Variants in TMTC2 observed in about 807,000 individuals in gnomAD.
TMTC2 encodes the protein transmembrane O-mannosyltransferase targeting cadherins 2.
A neutral mutation model predicts 82.4 loss-of-function variants in TMTC2; 43 were observed. The ratio of observed to expected loss-of-function variants is 0.52; its 90% CI spans 0.41 to 0.67. The LOEUF is 0.67. TMTC2 is among the 30% of genes least tolerant of loss of function. The probability of loss-of-function intolerance (pLI) is 0.00; values close to 1 mark genes in which losing one functional copy is unlikely to be tolerated. For missense variants in TMTC2, 919 were observed against 1,012.4 expected (o/e 0.91, Z 1.25); for synonymous variants, 408 against 381.9 (o/e 1.07, Z -0.80).
Position 83,056,898 on chromosome 12 carries a change from A to T in TMTC2, c.2268-4870A>T, listed in dbSNP as rs534122581. ...TAACATGCAAGTGAACACCTGGGGAATGTTGTTAAAATGCATGCTATGATT... is the reference window on the plus strand; with the variant it reads ...TAACATGCAAGTGAACACCTGGGGATTGTTGTTAAAATGCATGCTATGATT... On this transcript the variant is annotated intron_variant, in intron 10 of 11. Coordinates refer to ENST00000321196, the MANE Select transcript of TMTC2 (RefSeq NM_152588.3). Among the ~76,000 whole-genome samples the T allele has an allele frequency of 2.0e-5, 3 of 151,926 alleles. No homozygotes were observed. In the South Asian group the frequency reaches 6.2e-4, roughly 31 times the overall value.
chr12:82,884,980 AC>A (rs1873015964), intron 2 of TMTC2, among the ~76,000 whole-genome samples: 2 of 151,192 alleles, frequency 1.3e-5, no homozygotes, highest in African/African-American at 4.9e-5. Context: ...AGCAGCCTCA[AC>A]CTCCCAGACT....
Position 82,832,910 on chromosome 12 carries a change from C to A in TMTC2, c.84-24100C>A, listed in dbSNP as rs571294350. Among the ~76,000 whole-genome samples, 5 of 152,242 alleles carry A rather than the reference C, an allele frequency of 3.3e-5. No homozygotes were observed. In the South Asian group the frequency reaches 8.3e-4, roughly 25 times the overall value. On this transcript the variant is annotated intron_variant, in intron 1 of 11. Transcript: ENST00000321196. Reference sequence around the variant, plus strand: ...TTGCAGTCCCAGTTCCCTGTTGGTCCCACTTCCCGTGGAAATTTAATGTAA... The same window carrying A: ...TTGCAGTCCCAGTTCCCTGTTGGTCACACTTCCCGTGGAAATTTAATGTAA...
At chr12:82,924,576 C>T (rs1875589437) in intron 3 of TMTC2, among the ~76,000 whole-genome samples, 1 of 152,158 alleles carries the variant, frequency 6.6e-6, no homozygotes, top group African/African-American at 2.4e-5. Flanking sequence ...GAGAGATTTT[C>T]ATTTGGATAA....
chr12:82,729,531 G>A (rs147679222), intron 1 of TMTC2, among the ~76,000 whole-genome samples: 2 of 152,286 alleles, frequency 1.3e-5, no homozygotes, highest in African/African-American at 4.8e-5. Context: ...GAGAACTTTT[G>A]TGTGGACACT....
At chr12:82,795,816 T>TC (rs1386371942) in intron 1 of TMTC2, among the ~76,000 whole-genome samples, 2 of 152,128 alleles carry the variant, frequency 1.3e-5, no homozygotes, top group African/African-American at 4.8e-5. Context: ...ATCTTGGACT[T>TC]CCTAGCTTGC....
Position 83,092,670 on chromosome 12 carries a change from G to A in TMTC2, c.2331+30839G>A, listed in dbSNP as rs145604201. On this transcript the variant is annotated intron_variant, in intron 11 of 11. Transcript: ENST00000321196. ...TTCTGTGTATAATAGGTTGTTTTGC[G>A]TAGTTCAATCAAATAGAAATACCAT... is the stretch of plus-strand genomic sequence containing the variant. Among the ~76,000 whole-genome samples the A allele has an allele frequency of 4.7e-4, 72 of 152,214 alleles. 2 individuals are homozygous for A. The East Asian group carries it at 0.01, about 21-fold the overall frequency.
intron 1 of TMTC2, among the ~76,000 whole-genome samples, chr12:82,833,872 G>A (rs915613628): frequency 6.6e-5 from 10 of 152,044 alleles, no homozygotes; most frequent in Non-Finnish European, 1.5e-4. Flanking sequence ...AATAAACATA[G>A]CAATACAAGA....
intron 10 of TMTC2, among the ~76,000 whole-genome samples, chr12:83,053,364 C>T (rs906842048): frequency 1.3e-5 from 2 of 151,886 alleles, no homozygotes; most frequent in African/African-American, 4.8e-5. Flanking sequence ...TCACTTGGTT[C>T]GCTAGATAAG....
chr12:82,825,557 T>C (rs1869368477), intron 1 of TMTC2, among the ~76,000 whole-genome samples: 1 of 152,222 alleles, frequency 6.6e-6, no homozygotes, highest in Admixed American at 6.5e-5. Context: ...TGCTTCCTTT[T>C]CTAATCCCTT....
intron 4 of TMTC2, among the ~76,000 whole-genome samples, chr12:82,963,410 C>T (rs970815547): frequency 3.3e-5 from 5 of 151,722 alleles, no homozygotes; most frequent in Admixed American, 1.3e-4. Context: ...GATGGTATTT[C>T]TCCCCTGGTG....
chr12:83,130,512 A>G (rs11115607), intron 11 of TMTC2, among the ~76,000 whole-genome samples: 44,357 of 152,070 alleles, frequency 0.29, 6,901 homozygotes, highest in African/African-American at 0.39. Flanking sequence ...AATAGCTTAT[A>G]TTTGCAGCAT....
chr12:82,887,792 A>G (rs991039995), intron 2 of TMTC2, among the ~76,000 whole-genome samples: 39 of 152,274 alleles, frequency 2.6e-4, no homozygotes, highest in African/African-American at 8.9e-4. Flanking sequence ...TAAAAATTAG[A>G]CTTTCGGCCA....
chr12:82,733,240 G>T (rs375955249), intron 1 of TMTC2, among the ~76,000 whole-genome samples: 12 of 152,290 alleles, frequency 7.9e-5, no homozygotes, highest in African/African-American at 2.6e-4. Flanking sequence ...TTGCTGTGAG[G>T]TGAGGATATT....
intron 3 of TMTC2, among the ~76,000 whole-genome samples, chr12:82,912,675 C>A (rs1452329400): frequency 1.3e-5 from 2 of 152,050 alleles, no homozygotes; most frequent in Non-Finnish European, 2.9e-5. Flanking sequence ...CAGTGGTTCT[C>A]GCCTATAATT....
intron 1 of TMTC2, among the ~76,000 whole-genome samples, chr12:82,826,148 T>A (rs1009586651): frequency 2.6e-5 from 4 of 152,208 alleles, no homozygotes; most frequent in African/African-American, 9.6e-5. Context: ...TTTAAATATC[T>A]TTTCATCCAG....
At chr12:82,910,546 T>A (rs1874580127) in intron 3 of TMTC2, among the ~76,000 whole-genome samples, 1 of 152,236 alleles carries the variant, frequency 6.6e-6, no homozygotes, top group South Asian at 2.1e-4. Flanking sequence ...ACAGAGGGAT[T>A]TCTGTATCCC....
intron 10 of TMTC2, among the ~76,000 whole-genome samples, chr12:83,055,589 T>G (rs1882507401): frequency 6.6e-6 from 1 of 152,058 alleles, no homozygotes; most frequent in Non-Finnish European, 1.5e-5. Context: ...ATTCAGCTTT[T>G]CCAAAGAACT....
At chr12:82,967,352 G>A (rs1015493041) in intron 7 of TMTC2, among the ~76,000 whole-genome samples, 5 of 151,846 alleles carry the variant, frequency 3.3e-5, no homozygotes, top group African/African-American at 7.3e-5. Flanking sequence ...ATTTTAGTAA[G>A]TGTATCAAAT....
intron 1 of TMTC2, among the ~76,000 whole-genome samples, chr12:82,785,524 A>C (rs1007406187): frequency 6.6e-6 from 1 of 152,068 alleles, no homozygotes; most frequent in African/African-American, 2.4e-5. Context: ...CTTTGTTTTC[A>C]AACAGGAAAA....
Sources: gnomAD v4.1 joint callset for allele counts (sites outside exome capture counted in the v4.1 genomes callset) on GRCh38, gnomAD v4.1.1 for gene constraint, MANE v1.5 for transcripts, NCBI Gene and HGNC (gene_info 2026-07-23, HGNC 2026-07-21) for gene names.